GRIN2B: variants seen among roughly 807,000 people sequenced by gnomAD.
GRIN2B encodes glutamate ionotropic receptor NMDA type subunit 2B.
A neutral mutation model predicts 114.5 loss-of-function variants in GRIN2B; 5 were observed. The ratio of observed to expected loss-of-function variants is 0.04; its 90% CI spans 0.02 to 0.09. GRIN2B has a LOEUF of 0.09. GRIN2B is among the 10% of genes least tolerant of loss of function. The pLI is 1.00. For missense variants in GRIN2B, 1,108 were observed against 1,943.5 expected (o/e 0.57, Z 8.08); for synonymous variants, 787 against 745.1 (o/e 1.06, Z -0.92).
intron 2 of GRIN2B, among the ~76,000 whole-genome samples, chr12:13,932,212 CAT>C (rs1353332672): frequency 6.6e-6 from 1 of 152,152 alleles, no homozygotes; most frequent in Non-Finnish European, 1.5e-5. Flanking sequence ...TGTCCTGGGG[CAT>C]ATGTCCTGGT....
intron 2 of GRIN2B, among the ~76,000 whole-genome samples, chr12:13,966,542 C>A (rs1867792728): frequency 1.3e-5 from 2 of 152,144 alleles, no homozygotes; most frequent in Non-Finnish European, 2.9e-5. Flanking sequence ...AAACATGGCA[C>A]CTCGTGGCCA....
chr12:13,905,660 C>T (rs886304846), intron 2 of GRIN2B, among the ~76,000 whole-genome samples: 19 of 152,108 alleles, frequency 1.2e-4, no homozygotes, highest in Non-Finnish European at 2.5e-4. Flanking sequence ...AGAAGTTTTG[C>T]ATTTGCTTCT....
At chr12:13,683,908 C>T (rs1045526198) in intron 4 of GRIN2B, 10 of 152,158 alleles carry the variant, frequency 6.6e-5, no homozygotes, top group African/African-American at 2.2e-4. Context: ...ACTTTTGGAT[C>T]ACAGTCTAAC....
chr12:13,870,162 A>G (rs146378034), intron 2 of GRIN2B, among the ~76,000 whole-genome samples: 2 of 152,318 alleles, frequency 1.3e-5, no homozygotes, highest in African/African-American at 4.8e-5. Context: ...TAACTCCCTG[A>G]AGATGTCCCA....
At chr12:13,963,264 G>A (rs112581515) in intron 2 of GRIN2B, among the ~76,000 whole-genome samples, 6 of 152,028 alleles carry the variant, frequency 3.9e-5, no homozygotes, top group African/African-American at 1.2e-4. Context: ...GGCTTATTCT[G>A]TAACACTCCC....
intron 2 of GRIN2B, among the ~76,000 whole-genome samples, chr12:13,974,039 G>A (rs1028844878): frequency 1.3e-5 from 2 of 152,130 alleles, no homozygotes; most frequent in African/African-American, 4.8e-5. Flanking sequence ...AATCCCCTAG[G>A]AATAATGGGA....
intron 4 of GRIN2B, among the ~76,000 whole-genome samples, chr12:13,690,553 C>A (rs1318307271): frequency 2.0e-5 from 3 of 152,052 alleles, no homozygotes; most frequent in Non-Finnish European, 4.4e-5. Context: ...TGCCCAGACT[C>A]TTTTTAAACT....
In GRIN2B at chr12:13,856,652, T is replaced by C. The variant is rs561090397; in HGVS notation, c.411+9146A>G. ...TTCCTTGCTCTTCTTGTTCTTTTCT[T>C]ATCTCTCTGATAATTTTGTCTCAGA... On this transcript the variant is annotated intron_variant, in intron 3 of 13. Transcript: ENST00000609686. Among the ~76,000 whole-genome samples the C allele has an allele frequency of 3.9e-5, 6 of 152,304 alleles. No individual in the cohort carries two copies. The South Asian group carries it at 6.2e-4, about 16-fold the overall frequency.
intron 4 of GRIN2B, among the ~76,000 whole-genome samples, chr12:13,699,603 T>C (rs1205462731): frequency 3.3e-5 from 5 of 152,086 alleles, no homozygotes; most frequent in South Asian, 2.1e-4. Flanking sequence ...ATTTTTTTTT[T>C]TTTTAGATGG....
chr12:13,623,764 C>A (rs1565480867), intron 5 of GRIN2B, among the ~76,000 whole-genome samples: 1 of 152,110 alleles, frequency 6.6e-6, no homozygotes, highest in East Asian at 1.9e-4. Context: ...TTTTTCTGTG[C>A]ACAAAATTTT....
At chr12:13,878,060 T>C (rs1321134590) in intron 2 of GRIN2B, among the ~76,000 whole-genome samples, 2 of 70,288 alleles carry the variant, frequency 2.8e-5, no homozygotes, top group Admixed American at 1.7e-4. Context: ...CAAGACTCTG[T>C]CTCAAAAAAA....
At chr12:13,968,490 G>A (rs1867825651) in intron 2 of GRIN2B, among the ~76,000 whole-genome samples, 1 of 152,178 alleles carries the variant, frequency 6.6e-6, no homozygotes, top group South Asian at 2.1e-4. Context: ...GCTGGCCAGG[G>A]TGGGGCCAAG....
chr12:13,572,086 G>C (rs971680900), intron 10 of GRIN2B, 122 bp from the exon 11 acceptor site: 4 of 779,982 alleles, frequency 5.1e-6, no homozygotes, highest in Admixed American at 2.1e-5. Flanking sequence ...TATAATGGAA[G>C]GGACCCAACT....
intron 2 of GRIN2B, among the ~76,000 whole-genome samples, chr12:13,929,954 G>A (rs1866994158): frequency 6.6e-6 from 1 of 152,160 alleles, no homozygotes; most frequent in African/African-American, 2.4e-5. Flanking sequence ...GGGAGGCTGA[G>A]GCGGGCGGAT....
chr12:13,832,957 A>T lies in GRIN2B; in HGVS notation c.411+32841T>A, dbSNP rs564464739. The stretch of plus-strand genomic sequence containing the variant: ...CACATCAACACTATATATTTTAATT[A>T]AAAAAAATCGTCATTCTGATGAATA... On this transcript the variant is annotated intron_variant, in intron 3 of 13. Coordinates refer to ENST00000609686, the MANE Select transcript of GRIN2B (RefSeq NM_000834.5). 8.6e-4 allele frequency among the ~76,000 whole-genome samples: 131 copies of T among 152,158 alleles called. 2 individuals carry two copies. Among genetic ancestry groups the T allele is most frequent in the Admixed American group, 1.3e-3 (20 of 15,282 alleles).
intron 10 of GRIN2B, among the ~76,000 whole-genome samples, chr12:13,605,486 G>A (rs74067229): frequency 0.075 from 11,311 of 149,910 alleles, 654 homozygotes; most frequent in African/African-American, 0.16. Context: ...CAGAGCTGGG[G>A]TCACAGTGGA....
chr12:13,578,513 A>G (rs1391222579), intron 10 of GRIN2B, among the ~76,000 whole-genome samples: 2 of 152,296 alleles, frequency 1.3e-5, no homozygotes, highest in African/African-American at 2.4e-5. Flanking sequence ...AGAGCCAGGC[A>G]TTAGAGTAAA....
intron 4 of GRIN2B, among the ~76,000 whole-genome samples, chr12:13,733,011 A>G (rs61912101): frequency 1.3e-5 from 2 of 152,202 alleles, no homozygotes; most frequent in Non-Finnish European, 2.9e-5. Context: ...ACACACACAT[A>G]TATTAAAAGT....
At chr12:13,810,619 G>C (rs1436021009) in intron 3 of GRIN2B, among the ~76,000 whole-genome samples, 4 of 152,116 alleles carry the variant, frequency 2.6e-5, no homozygotes. Flanking sequence ...CTGAGAAATG[G>C]AATAATCCCA....
Sources: allele counts gnomAD v4.1 joint callset (sites outside exome capture counted in the v4.1 genomes callset), GRCh38; gene constraint gnomAD v4.1.1; transcripts MANE v1.5; gene names NCBI Gene and HGNC (gene_info 2026-07-23, HGNC 2026-07-21).